The following MYO1B variants were observed in gnomAD, a reference collection of about 807,000 sequenced individuals.
MYO1B encodes myosin IB, also known as unconventional myosin-Ib.
MYO1B carries 72 observed loss-of-function variants against 159.7 expected under a neutral mutation model. The observed-to-expected ratio is 0.45, with a 90% CI of 0.37 to 0.55. The LOEUF (loss-of-function observed/expected upper bound fraction) is 0.55, where lower values mean the gene tolerates loss of function less well. MYO1B is among the 20% of genes least tolerant of loss of function. The probability of loss-of-function intolerance (pLI) is 0.00; values close to 1 mark genes in which losing one functional copy is unlikely to be tolerated. For synonymous variants in MYO1B, 468 were observed against 473.8 expected (o/e 0.99, Z 0.16); for missense variants, 1,062 against 1,364.8 (o/e 0.78, Z 3.50).
chr2:191,381,317 C>T (rs1452645159), intron 13 of MYO1B, 145 bp from the exon 14 acceptor site: 2 of 715,796 alleles, frequency 2.8e-6, no homozygotes, highest in African/African-American at 3.5e-5. Flanking sequence ...GGGCAAGCGT[C>T]TGTCCTAGGA....
intron 13 of MYO1B, among the ~76,000 whole-genome samples, chr2:191,378,290 C>A (rs969885980): frequency 4.6e-5 from 7 of 151,676 alleles, no homozygotes; most frequent in Non-Finnish European, 7.4e-5. Flanking sequence ...TTCTTTTTTT[C>A]TTTTTTCTTT....
chr2:191,374,314 A>C (rs907850881), intron 13 of MYO1B, among the ~76,000 whole-genome samples: 1 of 152,224 alleles, frequency 6.6e-6, no homozygotes, highest in South Asian at 2.1e-4. Context: ...AAACTGCTGG[A>C]GTATAGATAA....
chr2:191,296,935 T>C (rs757734013), intron 3 of MYO1B, among the ~76,000 whole-genome samples: 3 of 152,232 alleles, frequency 2.0e-5, no homozygotes, highest in African/African-American at 4.8e-5. Flanking sequence ...GGTAGATCCG[T>C]GGTAGAACCG....
intron 1 of MYO1B, among the ~76,000 whole-genome samples, chr2:191,250,091 A>G (rs1281962466): frequency 6.6e-6 from 1 of 152,244 alleles, no homozygotes; most frequent in African/African-American, 2.4e-5. Context: ...AAGAAAGGAA[A>G]TCCATTGTGC....
Position 191,424,035 on chromosome 2 carries a change from C to A in MYO1B, c.*75C>A. ...ATTTGGTTTTGTTTTATTTGGGGTTCATTGTATGTTTGGGAATCACCAAAG... is the reference window on the plus strand; with the variant it reads ...ATTTGGTTTTGTTTTATTTGGGGTTAATTGTATGTTTGGGAATCACCAAAG... On this transcript the variant is annotated 3_prime_UTR_variant, in exon 31 of 31. Coordinates refer to ENST00000392318, the MANE Select transcript of MYO1B (RefSeq NM_001130158.3). 6.7e-7 allele frequency: 1 copy of A among 1,501,090 alleles called. No individual in the cohort carries two copies. The highest frequency in any genetic ancestry group is 1.4e-5 in the South Asian group (1 of 73,096). 93.0% of individuals were successfully genotyped at this position (1,501,090 alleles called of 1,614,324 possible).
At chr2:191,400,518 G>A in intron 22 of MYO1B, 50 bp downstream of exon 22, 2 of 1,590,416 alleles carry the variant, frequency 1.3e-6, no homozygotes, top group Non-Finnish European at 8.6e-7. Context: ...AACGTCATGT[G>A]GAACCATGAA....
intron 29 of MYO1B, 47 bp downstream of exon 29, chr2:191,414,716 A>T: frequency 6.4e-7 from 1 of 1,555,500 alleles, no homozygotes; most frequent in Non-Finnish European, 8.6e-7. Context: ...TCAGCCATTG[A>T]TTTAAAAAAT....
At chr2:191,369,463 A>G (rs1198562095) in intron 11 of MYO1B, 79 bp from the exon 12 acceptor site, 3 of 1,073,458 alleles carry the variant, frequency 2.8e-6, no homozygotes, top group Middle Eastern at 2.3e-4. Context: ...ATATTTTTTA[A>G]AAGTATCTTT....
intron 3 of MYO1B, among the ~76,000 whole-genome samples, chr2:191,301,938 C>CCA (rs766043072): frequency 3.3e-5 from 5 of 152,222 alleles, no homozygotes; most frequent in Non-Finnish European, 5.9e-5. Context: ...CCTATTACTC[C>CCA]CAGTTCCTTT....
intron 1 of MYO1B, among the ~76,000 whole-genome samples, chr2:191,251,029 G>A (rs1019905153): frequency 2.6e-5 from 4 of 152,178 alleles, no homozygotes; most frequent in African/African-American, 9.7e-5. Context: ...TCCAAAGCTA[G>A]GAGAATTGGT....
chr2:191,283,223 TAG>T (rs1365412727), intron 2 of MYO1B, among the ~76,000 whole-genome samples: 1 of 152,204 alleles, frequency 6.6e-6, no homozygotes, highest in East Asian at 1.9e-4. Flanking sequence ...TTACCAAACT[TAG>T]AGAGTTTTTT....
chr2:191,270,497 T>C (rs1687392788), intron 1 of MYO1B, among the ~76,000 whole-genome samples: 1 of 152,140 alleles, frequency 6.6e-6, no homozygotes. Flanking sequence ...CTTTACACCA[T>C]GCCAGCAGCA....
chr2:191,344,037 A>G (rs1487220118), intron 5 of MYO1B, among the ~76,000 whole-genome samples: 1 of 152,232 alleles, frequency 6.6e-6, no homozygotes, highest in Non-Finnish European at 1.5e-5. Flanking sequence ...ATGGCTTGCA[A>G]ATAGCACCCT....
rs556802630 is a variant in MYO1B at position 191,332,267 on chromosome 2, A to C, written c.346+2238A>C. Among the ~76,000 whole-genome samples the C allele has an allele frequency of 1.2e-4, 6 of 48,946 alleles. No homozygotes were observed. In the South Asian group the frequency reaches 4.9e-3, roughly 40 times the overall value. The allele number at this position is 48,946 out of a possible 152,430, so 32.1% of individuals were successfully genotyped here. A position where few individuals can be genotyped will look rare whatever the true frequency, so the allele number is the denominator to read the frequency against. On this transcript the variant is annotated intron_variant, in intron 4 of 30. Transcript: ENST00000392318. ...CGCGAGCCACCATGCCTGGCCTATT[A>C]TCCCTCTTAATGTGGACTCTGAGCT...
At chr2:191,341,357 A>T in intron 4 of MYO1B, 104 bp from the exon 5 acceptor site, 1 of 822,370 alleles carries the variant, frequency 1.2e-6, no homozygotes, top group Non-Finnish European at 2.0e-6. Flanking sequence ...GAATAAAGAC[A>T]TTTGAAAATG....
intron 1 of MYO1B, among the ~76,000 whole-genome samples, chr2:191,252,235 A>G (rs753022500): frequency 6.6e-6 from 1 of 152,218 alleles, no homozygotes; most frequent in Admixed American, 6.5e-5. Context: ...TGAGCCATCT[A>G]TGAAAAAGTT....
At chr2:191,312,557 A>T (rs1690073082) in intron 3 of MYO1B, among the ~76,000 whole-genome samples, 1 of 152,210 alleles carries the variant, frequency 6.6e-6, no homozygotes, top group Non-Finnish European at 1.5e-5. Context: ...CTATTTAAGT[A>T]TTAGACTTCT....
At chr2:191,316,425 G>A (rs941074708) in intron 3 of MYO1B, among the ~76,000 whole-genome samples, 2 of 152,196 alleles carry the variant, frequency 1.3e-5, no homozygotes, top group African/African-American at 2.4e-5. Flanking sequence ...GGCCTCGGGA[G>A]TTATTGTAGG....
At chr2:191,389,893 T>TG (rs1695638371) in intron 17 of MYO1B, among the ~76,000 whole-genome samples, 1 of 152,178 alleles carries the variant, frequency 6.6e-6, no homozygotes, top group South Asian at 2.1e-4. Flanking sequence ...TTGTGTCCCT[T>TG]GCATGTTGAT....
Sources: gnomAD v4.1 joint callset for allele counts (sites outside exome capture counted in the v4.1 genomes callset) on GRCh38, gnomAD v4.1.1 for gene constraint, MANE v1.5 for transcripts, NCBI Gene and HGNC (gene_info 2026-07-23, HGNC 2026-07-21) for gene names.